Variants in POU6F2 observed in about 807,000 individuals in gnomAD.
POU6F2 encodes the protein POU domain, class 6, transcription factor 2.
In POU6F2, 31 loss-of-function variants were observed where a neutral mutation model predicts 71.3. The observed-to-expected ratio is 0.43, with a 90% confidence interval of 0.33 to 0.59. POU6F2 has a LOEUF of 0.59. Among genes scored for constraint, POU6F2 ranks in the 20% least tolerant of loss-of-function variants. POU6F2 has a pLI of 0.04. For synonymous variants in POU6F2, 347 were observed against 355.7 expected, an observed-to-expected ratio of 0.98 and a Z score of 0.27; for missense variants, 783 against 856.8, an observed-to-expected ratio of 0.91 and a Z score of 1.07.
At chr7:39,360,351 A>G (rs867982706) in intron 5 of POU6F2, among the ~76,000 whole-genome samples, 11 of 152,366 alleles carry the variant, frequency 7.2e-5, no homozygotes, top group Middle Eastern at 3.4e-3. Flanking sequence ...ATGTACTTTT[A>G]GAGGGAGAGA....
intron 1 of POU6F2, among the ~76,000 whole-genome samples, chr7:39,027,939 C>CAATG (rs1789851820): frequency 6.6e-6 from 1 of 152,112 alleles, no homozygotes; most frequent in South Asian, 2.1e-4. Context: ...GATGCATATA[C>CAATG]CAATTTATAT....
At chr7:39,144,454 T>G (rs1170481744) in intron 2 of POU6F2, among the ~76,000 whole-genome samples, 8 of 152,248 alleles carry the variant, frequency 5.3e-5, no homozygotes, top group Non-Finnish European at 1.2e-4. Flanking sequence ...TATGCTATAG[T>G]GTCTATCAGT....
chr7:39,305,009 A>G (rs1785023443), intron 4 of POU6F2, among the ~76,000 whole-genome samples: 1 of 152,240 alleles, frequency 6.6e-6, no homozygotes. Flanking sequence ...CTAAATTCTT[A>G]GCCTGTTTTC....
intron 4 of POU6F2, among the ~76,000 whole-genome samples, chr7:39,293,180 C>T (rs947533015): frequency 1.3e-5 from 2 of 152,202 alleles, no homozygotes; most frequent in Non-Finnish European, 2.9e-5. Context: ...AGGCTCCTCT[C>T]TGCTGCGGGT....
intron 6 of POU6F2, among the ~76,000 whole-genome samples, chr7:39,411,646 G>C (rs1374833156): frequency 1.3e-5 from 2 of 152,230 alleles, no homozygotes; most frequent in Non-Finnish European, 2.9e-5. Flanking sequence ...CAGCTGAGCA[G>C]AGTTGGTTTG....
chr7:39,133,967 T>C (rs532830692), intron 2 of POU6F2, among the ~76,000 whole-genome samples: 24 of 152,160 alleles, frequency 1.6e-4, no homozygotes, highest in Non-Finnish European at 3.1e-4. Flanking sequence ...CTTGACCTCT[T>C]GGGCTCAAGG....
chr7:39,406,781 A>C, intron 6 of POU6F2, 41 bp downstream of exon 6: 2 of 1,607,396 alleles, frequency 1.2e-6, no homozygotes, highest in Non-Finnish European at 1.7e-6. Context: ...TTTATGGCAG[A>C]TTGAACTCGG....
intron 8 of POU6F2, among the ~76,000 whole-genome samples, chr7:39,458,931 G>T (rs1219914424): frequency 1.3e-5 from 2 of 152,076 alleles, no homozygotes; most frequent in Non-Finnish European, 2.9e-5. Flanking sequence ...AGACCTAGAT[G>T]AATCCTCCCT....
chr7:38,999,706 GC>G (rs1562661579), intron 1 of POU6F2, among the ~76,000 whole-genome samples: 3 of 152,100 alleles, frequency 2.0e-5, no homozygotes, highest in African/African-American at 7.2e-5. Flanking sequence ...AGGTTTACGT[GC>G]TTTTTGCAAT....
At chr7:39,370,933 T>C (rs774957877) in intron 5 of POU6F2, among the ~76,000 whole-genome samples, 52 of 152,276 alleles carry the variant, frequency 3.4e-4, no homozygotes, top group Non-Finnish European at 6.9e-4. Context: ...ATACATCTCC[T>C]TCTCAATATG....
chr7:39,076,417 G>A (rs1484437598), intron 1 of POU6F2, among the ~76,000 whole-genome samples: 4 of 152,146 alleles, frequency 2.6e-5, no homozygotes, highest in Non-Finnish European at 4.4e-5. Flanking sequence ...TTTTGGAAAA[G>A]TAAATCATTG....
At chr7:39,204,398 T>C in intron 3 of POU6F2, 72 bp downstream of exon 3, 1 of 1,273,034 alleles carries the variant, frequency 7.9e-7, no homozygotes, top group Non-Finnish European at 1.1e-6. Flanking sequence ...ACCAAATAAA[T>C]AATAATGAGT....
intron 5 of POU6F2, among the ~76,000 whole-genome samples, chr7:39,352,791 G>T (rs760890848): frequency 1.3e-5 from 2 of 151,894 alleles, no homozygotes; most frequent in Non-Finnish European, 2.9e-5. Context: ...GTGCAGGTTT[G>T]TTACAAAGGT....
intron 1 of POU6F2, among the ~76,000 whole-genome samples, chr7:38,982,648 A>G (rs545762599): frequency 6.6e-6 from 1 of 152,250 alleles, no homozygotes; most frequent in African/African-American, 2.4e-5. Flanking sequence ...TTAACAATAT[A>G]GTAATACTAC....
intron 5 of POU6F2, among the ~76,000 whole-genome samples, chr7:39,373,917 A>G (rs1220353116): frequency 6.6e-6 from 1 of 152,218 alleles, no homozygotes; most frequent in Non-Finnish European, 1.5e-5. Flanking sequence ...TTGAAAAATA[A>G]AAAGATCTGG....
intron 6 of POU6F2, among the ~76,000 whole-genome samples, chr7:39,416,737 G>T (rs1288877743): frequency 6.6e-6 from 1 of 151,772 alleles, no homozygotes; most frequent in Non-Finnish European, 1.5e-5. Context: ...GATTTTTGGA[G>T]AGGAGGAAAG....
At chr7:38,981,696 A>C (rs544023927) in intron 1 of POU6F2, among the ~76,000 whole-genome samples, 1 of 152,342 alleles carries the variant, frequency 6.6e-6, no homozygotes, top group East Asian at 1.9e-4. Context: ...TTTTAATAGC[A>C]TTAGAAGTGC....
intron 2 of POU6F2, among the ~76,000 whole-genome samples, chr7:39,098,691 G>A (rs1584541427): frequency 6.6e-6 from 1 of 152,334 alleles, no homozygotes; most frequent in East Asian, 1.9e-4. Flanking sequence ...ACATGTTGAA[G>A]CTTCAGCTTC....
chr7:39,349,338 A>C, intron 5 of POU6F2, among the ~76,000 whole-genome samples: 1 of 151,922 alleles, frequency 6.6e-6, no homozygotes, highest in South Asian at 2.1e-4. Flanking sequence ...TTCACTGCCC[A>C]TTGTCTCTAG....
Sources: allele counts gnomAD v4.1 joint callset (sites outside exome capture counted in the v4.1 genomes callset), GRCh38; gene constraint gnomAD v4.1.1; transcripts MANE v1.5; gene names NCBI Gene and HGNC (gene_info 2026-07-23, HGNC 2026-07-21).